The following NLRC4 variants were observed in gnomAD, a reference collection of about 807,000 sequenced individuals.
NLRC4 encodes the protein NLR family CARD domain-containing protein 4.
Under a neutral mutation model 79.9 loss-of-function variants are expected in NLRC4, and 63 were observed. That is an observed-to-expected ratio of 0.79 (90% CI 0.64 to 0.97). NLRC4 has a LOEUF of 0.97. Among genes scored for constraint, NLRC4 ranks in the 50% least tolerant of loss-of-function variants. NLRC4 has a pLI of 0.00. For missense variants in NLRC4, 1,074 were observed against 1,215.2 expected (o/e 0.88, Z 1.73); for synonymous variants, 461 against 456.5 (o/e 1.01, Z -0.12).
intron 4 of NLRC4, among the ~76,000 whole-genome samples, chr2:32,241,816 GCTCT>G (rs1221607727): frequency 6.6e-5 from 10 of 151,970 alleles, no homozygotes; most frequent in South Asian, 4.1e-4. Flanking sequence ...AAAATCTGCA[GCTCT>G]CTCCTCACAA....
At chr2:32,233,140 GGAAGGAAGGA>G (rs1558446929) in intron 8 of NLRC4, among the ~76,000 whole-genome samples, 25 of 13,128 alleles carry the variant, frequency 1.9e-3, no homozygotes, top group East Asian at 8.2e-3. Flanking sequence ...GAGGGAGGAA[GGAAGGAAGGA>G]AGGAAGGAAG....
At chr2:32,245,730 A>G (rs1320581820) in intron 4 of NLRC4, among the ~76,000 whole-genome samples, 2 of 152,230 alleles carry the variant, frequency 1.3e-5, no homozygotes, top group East Asian at 3.8e-4. Flanking sequence ...CATGTACCCC[A>G]TAAATATATA....
At chr2:32,238,054 C>A in intron 6 of NLRC4, 78 bp downstream of exon 6, 2 of 980,884 alleles carry the variant, frequency 2.0e-6, no homozygotes, top group Admixed American at 2.9e-5. Context: ...CCATTTGAGA[C>A]ATTTAGTGTG....
intron 8 of NLRC4, among the ~76,000 whole-genome samples, chr2:32,225,781 C>A (rs936162997): frequency 1.3e-5 from 2 of 152,192 alleles, no homozygotes; most frequent in Non-Finnish European, 2.9e-5. Context: ...ACACAAAATG[C>A]AGAAGATGTA....
chr2:32,234,573 C>G (rs1686629297), intron 8 of NLRC4, among the ~76,000 whole-genome samples: 1 of 152,192 alleles, frequency 6.6e-6, no homozygotes, highest in South Asian at 2.1e-4. Flanking sequence ...TTTCCATACG[C>G]TGGATTGGAA....
chr2:32,224,774 A>T lies in NLRC4; in HGVS notation c.2783-9T>A, dbSNP rs766958774. 2.6e-6 allele frequency: 4 copies of T among 1,520,348 alleles called. No individual in the cohort carries two copies. In the Admixed American group the frequency reaches 6.9e-5, roughly 26 times the overall value. The allele number at this position is 1,520,348 out of a possible 1,614,324, so 94.2% of individuals were successfully genotyped here. A position where few individuals can be genotyped will look rare whatever the true frequency, so the allele number is the denominator to read the frequency against. On this transcript the variant is annotated splice_polypyrimidine_tract_variant and intron_variant, in intron 8 of 8. Transcript: ENST00000402280. ...CTTTCCAAAAAATGCACCTGGGTAA[A>T]GAAATAAGTATATTAGTTGGAAGAA...
intron 2 of NLRC4, among the ~76,000 whole-genome samples, chr2:32,255,536 A>T (rs551539797): frequency 1.0e-4 from 15 of 148,008 alleles, no homozygotes; most frequent in South Asian, 2.2e-4. Context: ...AAAAAAAAAA[A>T]AATAAGAAAT....
Position 32,256,734 on chromosome 2 carries a change from A to C in NLRC4, c.1+41T>G, listed in dbSNP as rs200978402. The C allele has an allele frequency of 1.4e-5, 11 of 780,302 alleles. No homozygotes were observed. In the East Asian group the frequency reaches 2.4e-4, roughly 17 times the overall value. The allele number at this position is 780,302 out of a possible 1,614,324, so 48.3% of individuals were successfully genotyped here. ...TTTAAAATCACCAGTATTTGGTAGC[A>C]GACTGTATAACCAGGCAGATGTTAT... On this transcript the variant is annotated intron_variant, in intron 2 of 8. Coordinates refer to ENST00000402280, the MANE Select transcript of NLRC4 (RefSeq NM_001199138.2).
At chr2:32,261,329 T>TTTTTTTTTTTTTTTTTTTTTTTTTTTC (rs1230263597) in intron 1 of NLRC4, among the ~76,000 whole-genome samples, 1 of 119,206 alleles carries the variant, frequency 8.4e-6, no homozygotes, top group Non-Finnish European at 1.8e-5. Context: ...TTGTTTTTTT[T>TTTTTTTTTTTTTTTTTTTTTTTTTTTC]TGAGATGGAG....
chr2:32,233,191 AGGAAGGGAG>A (rs1686586886), intron 8 of NLRC4, among the ~76,000 whole-genome samples: 1 of 70,388 alleles, frequency 1.4e-5, no homozygotes, highest in Admixed American at 2.1e-4. Flanking sequence ...GAAGGAAGGA[AGGAAGGGAG>A]GGAGGGAAAG....
rs1356432698 is a variant in NLRC4 at position 32,231,513 on chromosome 2, A to AT, written c.2782+3887dup. On this transcript the variant is annotated intron_variant, in intron 8 of 8. Coordinates refer to ENST00000402280, the MANE Select transcript of NLRC4 (RefSeq NM_001199138.2). ...CCTTTATTAGATAATGTGATCTGCA[A>AT]TTTTTTTTTCACATTCTGTAGGTTG... Among the ~76,000 whole-genome samples the AT allele has an allele frequency of 4.8e-5, 6 of 123,768 alleles. No homozygotes were observed. The East Asian group carries it at 7.0e-4, about 15-fold the overall frequency. The allele number at this position is 123,768 out of a possible 152,430, so 81.2% of individuals were successfully genotyped here. A position where few individuals can be genotyped will look rare whatever the true frequency, so the allele number is the denominator to read the frequency against.
At chr2:32,241,190 T>C in intron 4 of NLRC4, 65 bp from the exon 5 acceptor site, 1 of 951,404 alleles carries the variant, frequency 1.1e-6, no homozygotes, top group Non-Finnish European at 1.7e-6. Flanking sequence ...TCATTTACTA[T>C]TACTGTCATT....
chr2:32,264,385 G>C (rs1403561020), intron 1 of NLRC4, among the ~76,000 whole-genome samples: 1 of 141,900 alleles, frequency 7.0e-6, no homozygotes, highest in African/African-American at 2.6e-5. Context: ...AGTGAGCCGA[G>C]ATCACGCCAC....
At chr2:32,230,955 T>A (rs919942445) in intron 8 of NLRC4, among the ~76,000 whole-genome samples, 2 of 152,182 alleles carry the variant, frequency 1.3e-5, no homozygotes, top group African/African-American at 2.4e-5. Flanking sequence ...TAAAAAATAA[T>A]AACCATCCCT....
chr2:32,235,710 G>GTTT, intron 7 of NLRC4, 142 bp from the exon 8 acceptor site: 4 of 609,548 alleles, frequency 6.6e-6, no homozygotes, highest in Non-Finnish European at 1.1e-5. Context: ...TTAATTTTTG[G>GTTT]TTTTTTTTTG....
At chr2:32,236,221 A>C (rs1686669405) in intron 7 of NLRC4, 26 bp downstream of exon 7, 1 of 1,438,014 alleles carries the variant, frequency 7.0e-7, no homozygotes, top group African/African-American at 1.4e-5. Flanking sequence ...TCAAGTATCT[A>C]ATTTTGGCTG....
intron 6 of NLRC4, among the ~76,000 whole-genome samples, chr2:32,237,746 T>C: frequency 6.6e-6 from 1 of 152,222 alleles, no homozygotes; most frequent in East Asian, 1.9e-4. Flanking sequence ...GGGTAGGAAT[T>C]AGAAGCCTGA....
chr2:32,255,363 A>G (rs759909251), intron 2 of NLRC4, among the ~76,000 whole-genome samples: 1 of 152,058 alleles, frequency 6.6e-6, no homozygotes, highest in Non-Finnish European at 1.5e-5. Flanking sequence ...TCTACTAAAA[A>G]TACAAAATTA....
intron 1 of NLRC4, among the ~76,000 whole-genome samples, chr2:32,260,213 C>CAAAAAAAAAAA (rs1197388989): frequency 4.0e-5 from 3 of 75,058 alleles, no homozygotes; most frequent in Non-Finnish European, 6.9e-5. Flanking sequence ...TGGGCAACGA[C>CAAAAAAAAAAA]AAAAAAAAAA....
Sources: gnomAD v4.1 joint callset for allele counts (sites outside exome capture counted in the v4.1 genomes callset) on GRCh38, gnomAD v4.1.1 for gene constraint, MANE v1.5 for transcripts, NCBI Gene and HGNC (gene_info 2026-07-23, HGNC 2026-07-21) for gene names.